LRFN2: variants seen among roughly 807,000 people sequenced by gnomAD.
LRFN2 encodes the protein leucine rich repeat and fibronectin type III domain containing 2.
Under a neutral mutation model 37.3 loss-of-function variants are expected in LRFN2, and 18 were observed. The ratio of observed to expected loss-of-function variants is 0.48; its 90% CI spans 0.33 to 0.72. LRFN2 has a LOEUF of 0.72. Ranked by LOEUF, LRFN2 falls within the 30% of genes least tolerant of loss-of-function variation. The pLI is 0.02. For missense variants in LRFN2, 1,006 were observed against 1,060.7 expected (o/e 0.95, Z 0.72); for synonymous variants, 556 against 466.6 (o/e 1.19, Z -2.47).
intron 1 of LRFN2, among the ~76,000 whole-genome samples, chr6:40,530,622 T>A (rs1460615186): frequency 6.6e-6 from 1 of 151,890 alleles, no homozygotes; most frequent in Admixed American, 6.6e-5. Context: ...CCCTGAACCC[T>A]GGTTCTCCCC....
chr6:40,512,932 CA>C (rs1441096484), intron 1 of LRFN2, among the ~76,000 whole-genome samples: 1 of 152,188 alleles, frequency 6.6e-6, no homozygotes, highest in East Asian at 1.9e-4. Flanking sequence ...TAGGGGCCTA[CA>C]AAATTCAGTC....
chr6:40,515,345 C>T (rs1765833236), intron 1 of LRFN2, among the ~76,000 whole-genome samples: 1 of 152,150 alleles, frequency 6.6e-6, no homozygotes, highest in South Asian at 2.1e-4. Flanking sequence ...AAACAGCAGA[C>T]CCAGGAGACA....
chr6:40,514,457 T>C (rs1349807525), intron 1 of LRFN2, among the ~76,000 whole-genome samples: 3 of 152,064 alleles, frequency 2.0e-5, no homozygotes, highest in Non-Finnish European at 4.4e-5. Context: ...TGGGATTACA[T>C]GCGTGCACCA....
chr6:40,491,210 G>T lies in LRFN2; in HGVS notation c.-18-58079C>A, dbSNP rs150772299. On this transcript the variant is annotated intron_variant, in intron 1 of 2. Transcript: ENST00000338305. Reference sequence around the variant, plus strand: ...GATGCTCACCTGTTCTCTGGGGCCTGGTCTGCTCAAGCTGCTTCATTCTCC... The same window carrying T: ...GATGCTCACCTGTTCTCTGGGGCCTTGTCTGCTCAAGCTGCTTCATTCTCC... Among the ~76,000 whole-genome samples the T allele has an allele frequency of 1.7e-3, 263 of 152,286 alleles. 2 individuals are homozygous for T. The highest frequency in any genetic ancestry group is 5.7e-3 in the African/African-American group (236 of 41,560).
rs113885507 is a variant in LRFN2 at position 40,577,095 on chromosome 6, T to A, written c.-19+9846A>T. 3.3e-5 allele frequency among the ~76,000 whole-genome samples: 4 copies of A among 122,978 alleles called. 1 individual carries two copies. The highest frequency in any genetic ancestry group is 2.8e-4 in the South Asian group (1 of 3,538). 80.7% of individuals were successfully genotyped at this position (122,978 alleles called of 152,430 possible). A position where few individuals can be genotyped will look rare whatever the true frequency, so the allele number is the denominator to read the frequency against. ...CAAGGCCCATTTTCTTTTCTTTTCT[T>A]TTCTTTTCCTTTCTTTTCTTTTTAG... On this transcript the variant is annotated intron_variant, in intron 1 of 2. Coordinates refer to ENST00000338305, the MANE Select transcript of LRFN2 (RefSeq NM_020737.3).
chr6:40,446,334 A>C (rs1763969163), intron 1 of LRFN2, among the ~76,000 whole-genome samples: 1 of 152,242 alleles, frequency 6.6e-6, no homozygotes, highest in Non-Finnish European at 1.5e-5. Context: ...ATTCCAAGGC[A>C]AAAGTGGCTA....
chr6:40,544,617 C>T (rs1361747927), intron 1 of LRFN2, among the ~76,000 whole-genome samples: 1 of 152,178 alleles, frequency 6.6e-6, no homozygotes, highest in Non-Finnish European at 1.5e-5. Context: ...GCTCCAATGC[C>T]CTCCTGTAAC....
chr6:40,484,297 C>A lies in LRFN2; in HGVS notation c.-18-51166G>T, dbSNP rs867430272. On this transcript the variant is annotated intron_variant, in intron 1 of 2. Transcript: ENST00000338305. ...AGCACTCTCATTTCGGAGGCCTCTG[C>A]CAAGCTGTGTGATCAGCGGCTAGTC... Among the ~76,000 whole-genome samples, 6 of 152,306 alleles carry A rather than the reference C, an allele frequency of 3.9e-5. No homozygotes were observed. In the Middle Eastern group the frequency reaches 0.01, roughly 259 times the overall value.
intron 1 of LRFN2, among the ~76,000 whole-genome samples, chr6:40,526,095 TG>T (rs1234744288): frequency 6.6e-6 from 1 of 152,252 alleles, no homozygotes; most frequent in Non-Finnish European, 1.5e-5. Context: ...GCACTGCTTA[TG>T]GGCTGACTGC....
At chr6:40,458,187 C>A (rs1215486853) in intron 1 of LRFN2, among the ~76,000 whole-genome samples, 1 of 152,200 alleles carries the variant, frequency 6.6e-6, no homozygotes, top group Non-Finnish European at 1.5e-5. Context: ...CCCTGCCCAG[C>A]CTTCATTCTA....
intron 1 of LRFN2, among the ~76,000 whole-genome samples, chr6:40,580,605 G>A (rs545743636): frequency 9.7e-4 from 148 of 152,280 alleles, no homozygotes; most frequent in Non-Finnish European, 2.0e-3. Context: ...TACAAAAGAA[G>A]ACATGGTTTT....
intron 1 of LRFN2, among the ~76,000 whole-genome samples, chr6:40,448,936 G>A (rs1561860381): frequency 6.6e-6 from 1 of 152,148 alleles, no homozygotes; most frequent in South Asian, 2.1e-4. Flanking sequence ...GTTGGGAGGG[G>A]TAACAGGGAA....
At chr6:40,408,942 T>G (rs1333333962) in intron 2 of LRFN2, among the ~76,000 whole-genome samples, 1 of 152,248 alleles carries the variant, frequency 6.6e-6, no homozygotes, top group African/African-American at 2.4e-5. Context: ...TGCCAGCATT[T>G]GGTCTGATAA....
chr6:40,524,421 A>G (rs1442380795), intron 1 of LRFN2, among the ~76,000 whole-genome samples: 1 of 126,382 alleles, frequency 7.9e-6, no homozygotes, highest in Admixed American at 8.7e-5. Flanking sequence ...ACACACTGAC[A>G]CATACTGACA....
At chr6:40,419,376 C>T (rs1763168671) in intron 2 of LRFN2, among the ~76,000 whole-genome samples, 2 of 152,110 alleles carry the variant, frequency 1.3e-5, no homozygotes, top group Non-Finnish European at 2.9e-5. Flanking sequence ...CTGCTATCAC[C>T]ATGAGAAGAA....
chr6:40,505,072 C>T (rs1258706037), intron 1 of LRFN2, among the ~76,000 whole-genome samples: 2 of 152,186 alleles, frequency 1.3e-5, no homozygotes, highest in Non-Finnish European at 2.9e-5. Flanking sequence ...GGACAGTTGC[C>T]CGTGGCCTCG....
chr6:40,505,785 T>C (rs114534436), intron 1 of LRFN2, among the ~76,000 whole-genome samples: 2 of 152,230 alleles, frequency 1.3e-5, no homozygotes, highest in Non-Finnish European at 2.9e-5. Flanking sequence ...CTTAAGATCA[T>C]GCCTCCTGGC....
intron 1 of LRFN2, among the ~76,000 whole-genome samples, chr6:40,443,497 C>A (rs866643928): frequency 6.6e-6 from 1 of 152,128 alleles, no homozygotes. Context: ...GGCCTATATG[C>A]CATCTTATCC....
Position 40,431,833 on chromosome 6 carries a change from A to G in LRFN2, c.1281T>C (p.Leu427=). The part of the protein sequence containing the change: ...PPKSPPERAV[L]VSEVTTTSAL... Reference sequence around the variant, plus strand: ...CCGAGGTGGTGGTCACTTCAGACACAAGCACAGCCCGTTCCGGGGGGCTTT... The same window carrying G: ...CCGAGGTGGTGGTCACTTCAGACACGAGCACAGCCCGTTCCGGGGGGCTTT... Residue 427 remains leucine (L), a synonymous_variant, in exon 2 of 3, where the codon CTT becomes CTC. Transcript: ENST00000338305. 2 of 1,573,494 alleles carry G rather than the reference A, an allele frequency of 1.3e-6. No individual in the cohort carries two copies. Among genetic ancestry groups the G allele is most frequent in the East Asian group, 2.2e-5 (1 of 44,572 alleles).
Sources: allele counts gnomAD v4.1 joint callset (sites outside exome capture counted in the v4.1 genomes callset), GRCh38; gene constraint gnomAD v4.1.1; transcripts MANE v1.5; gene names NCBI Gene and HGNC (gene_info 2026-07-23, HGNC 2026-07-21).